CELSR2: variants seen among roughly 807,000 people sequenced by gnomAD.
The protein encoded by CELSR2 is EGF-like protein 2.
A neutral mutation model predicts 251.6 loss-of-function variants in CELSR2; 81 were observed. That is an observed-to-expected ratio of 0.32 (90% CI 0.27 to 0.39). The LOEUF is 0.39. Ranked by LOEUF, CELSR2 falls within the 10% of genes least tolerant of loss-of-function variation. The pLI is 1.00. For missense variants in CELSR2, 3,365 were observed against 3,947.7 expected (o/e 0.85, Z 3.96); for synonymous variants, 1,721 against 1,670.5 (o/e 1.03, Z -0.74).
chr1:109,263,717 C>T lies in CELSR2; in HGVS notation c.4941C>T (p.Arg1647=), dbSNP rs760909842. 10 of 1,613,932 alleles carry T rather than the reference C, an allele frequency of 6.2e-6. No individual in the cohort carries two copies. Among genetic ancestry groups the T allele is most frequent in the Admixed American group, 1.7e-5 (1 of 60,024 alleles). Residue 1647 remains arginine, a synonymous_variant, in exon 9 of 34, where the codon CGC becomes CGT. Coordinates refer to ENST00000271332, the MANE Select transcript of CELSR2 (RefSeq NM_001408.3). The part of the protein sequence containing the change: ...PWYLSLMFRT[R]QADGVLLQAI... ...ACCTCAGCCTCATGTTCCGCACGCG[C>T]CAGGCCGACGGTGTCCTGCTGCAGG...
At chr1:109,260,702 C>T (rs1045448027) in intron 2 of CELSR2, among the ~76,000 whole-genome samples, 4 of 152,114 alleles carry the variant, frequency 2.6e-5, no homozygotes, top group Non-Finnish European at 4.4e-5. Flanking sequence ...CGAAGGCTCC[C>T]GGGATCCGGG....
chr1:109,270,745 C>G, intron 24 of CELSR2, 145 bp downstream of exon 24: 1 of 1,161,468 alleles, frequency 8.6e-7, no homozygotes, highest in Non-Finnish European at 1.2e-6. Flanking sequence ...CTGGTTTAAC[C>G]CAGACTCTGC....
intron 17 of CELSR2, 43 bp from the exon 18 acceptor site, chr1:109,268,538 G>A (rs769898260): frequency 1.3e-6 from 2 of 1,561,554 alleles, no homozygotes; most frequent in Admixed American, 1.8e-5. Context: ...GGGATGTCAG[G>A]TGTGGGTTGT....
Position 109,272,659 on chromosome 1 carries a change from C to T in CELSR2, c.8074C>T (p.Pro2692Ser), listed in dbSNP as rs555998993. 11 of 1,613,654 alleles carry T rather than the reference C, an allele frequency of 6.8e-6. 1 individual carries two copies. The Admixed American group carries it at 1.8e-4, about 27-fold the overall frequency. ...TCCTAGGGAGGAGTCCGCACTGAAC[C>T]CTGGCCAAGGGCCCCCTGGCCTGGG... ...FLLREESALNPGQGPPGLGDP... is the reference protein window; with the variant it reads ...FLLREESALNSGQGPPGLGDP... The change falls in exon 30 of 34, where the codon CCT becomes TCT. Residue 2692 changes from proline (P) to serine (S), a missense_variant. By Grantham distance (74) the Pro-to-Ser change is moderately conservative (BLOSUM62 -1). Coordinates refer to ENST00000271332, the MANE Select transcript of CELSR2 (RefSeq NM_001408.3).
At chr1:109,264,809 T>C in intron 11 of CELSR2, 59 bp from the exon 12 acceptor site, 1 of 1,612,154 alleles carries the variant, frequency 6.2e-7, no homozygotes, top group Non-Finnish European at 8.5e-7. Flanking sequence ...AAGGGTTTGA[T>C]GGAAGATGGT....
chr1:109,266,145 C>G lies in CELSR2; in HGVS notation c.5952C>G (p.Ile1984Met). The change falls in exon 15 of 34, where the codon ATC (isoleucine) becomes ATG (methionine). Residue 1984 changes from isoleucine (I) to methionine (M), a missense_variant. This residue lies in a region of CELSR2 where 2,093 missense variants were observed against 2,382.8 expected (regional missense o/e 0.88). Transcript: ENST00000271332. ...GCCCACGAGCGATTGAGGCTGGGAT[C>G]TGGTGGCCCCGTACCCGCTTCGGGC... ...DSCPRAIEAG[I>M]WWPRTRFGLP... 1 of 1,614,168 alleles carries G rather than the reference C, an allele frequency of 6.2e-7. No individual in the cohort carries two copies.
chr1:109,253,492 C>A, intron 1 of CELSR2, 103 bp downstream of exon 1: 1 of 1,473,120 alleles, frequency 6.8e-7, no homozygotes, highest in Non-Finnish European at 9.0e-7. Flanking sequence ...TACAGATCCA[C>A]CTCCCTGCCC....
rs1236662410 is a variant in CELSR2 at position 109,251,574 on chromosome 1, A to G, written c.1495A>G (p.Asn499Asp). The G allele has an allele frequency of 5.6e-6, 9 of 1,613,808 alleles. No homozygotes were observed. The highest frequency in any genetic ancestry group is 7.6e-6 in the Non-Finnish European group (9 of 1,180,014). The change falls in exon 1 of 34, where the codon AAC becomes GAC. Residue 499 changes from asparagine (N) to aspartate (D), a missense_variant. Asn to Asp is a conservative substitution (Grantham distance 23). This residue lies in a region of CELSR2 where 704 missense variants were observed against 784.1 expected (regional missense o/e 0.90). Coordinates refer to ENST00000271332, the MANE Select transcript of CELSR2 (RefSeq NM_001408.3). The surrounding 1 kb of genome is among the most constrained non-coding windows in gnomAD (Gnocchi z 4.9). ...GGTGACAGTACAGGTCCTGGATATC[A>G]ACGACAATGCCCCCATCTTCGTCAG... The part of the protein sequence containing the change: ...GLVTVQVLDI[N>D]DNAPIFVSTP...
chr1:109,251,967 G>A lies in CELSR2; in HGVS notation c.1888G>A (p.Val630Met), dbSNP rs769943003. 3.7e-6 allele frequency: 6 copies of A among 1,614,004 alleles called. No individual in the cohort carries two copies. Among genetic ancestry groups the A allele is most frequent in the Admixed American group, 1.7e-5 (1 of 60,006 alleles). The change falls in exon 1 of 34, where the codon GTG (valine) becomes ATG (methionine). Residue 630 changes from valine (V) to methionine (M), a missense_variant. Val to Met is a conservative substitution (Grantham distance 21). This residue lies in a region of CELSR2 where 60 missense variants were observed against 104.8 expected (regional missense o/e 0.57). Transcript: ENST00000271332. The surrounding 1 kb of genome is among the most constrained non-coding windows in gnomAD (Gnocchi z 4.9). ...GGATGCAGCTGTGGGCACCAGCGTG[G>A]TGACGGTGTCAGCTGTGGACCGTGA... ...NEDAAVGTSV[V>M]TVSAVDRDAH...
rs772786960 is a variant in CELSR2, at chr1:109,258,892, C to T, written c.3771C>T (p.Ala1257=). ...LRFDSSAPFI[A]SSSVLFRPIH... is the part of the protein sequence containing the mutation. Reference sequence around the variant, plus strand: ...TCGACTCCTCCGCGCCCTTCATCGCCTCCTCCTCCGTGCTCTTCCGGCCCA... The same window carrying T: ...TCGACTCCTCCGCGCCCTTCATCGCTTCCTCCTCCGTGCTCTTCCGGCCCA... Residue 1257 remains alanine, a synonymous_variant, in exon 2 of 34, where the codon GCC becomes GCT. Coordinates refer to ENST00000271332, the MANE Select transcript of CELSR2 (RefSeq NM_001408.3). 3.1e-6 allele frequency: 5 copies of T among 1,612,614 alleles called. No homozygotes were observed. In the South Asian group the frequency reaches 3.3e-5, roughly 11 times the overall value.
Position 109,251,743 on chromosome 1 carries a change from T to G in CELSR2, c.1664T>G (p.Ile555Ser). The G allele has an allele frequency of 6.2e-7, 1 of 1,614,014 alleles. No homozygotes were observed. Among genetic ancestry groups the G allele is most frequent in the Non-Finnish European group, 8.5e-7 (1 of 1,180,004 alleles). Residue 555 changes from isoleucine (I) to serine (S), a missense_variant, in exon 1 of 34, where the codon ATC (isoleucine) becomes AGC (serine). Ile to Ser is a moderately radical substitution (Grantham distance 142). Transcript: ENST00000271332. This position sits in a 1 kb window ranked among gnomAD's most constrained non-coding sequence, Gnocchi z 4.9. ...AGVGHDFPFT[I>S]NNGTGWISVA... ...GTGGGACATGACTTCCCCTTCACCA[T>G]CAACAATGGCACAGGCTGGATCTCT...
intron 33 of CELSR2, 29 bp downstream of exon 33, chr1:109,273,699 G>GC: frequency 3.0e-6 from 4 of 1,331,298 alleles, no homozygotes; most frequent in South Asian, 1.5e-5. Flanking sequence ...GCGGGACGGG[G>GC]TGCAGCCCCT....
At position 109,264,402 on chromosome 1, in the gene CELSR2, A is replaced by G. The variant is rs757815239; in HGVS notation, c.5289+37A>G. On this transcript the variant is annotated intron_variant, in intron 10 of 33. Transcript: ENST00000271332. ...GCCCTGCCCTCCCATCCCCTCCCCCACCACCTGCAGCCCCGCTCCACTGAG... is the reference window on the plus strand; with the variant it reads ...GCCCTGCCCTCCCATCCCCTCCCCCGCCACCTGCAGCCCCGCTCCACTGAG... 1.1e-5 allele frequency: 11 copies of G among 965,648 alleles called. No individual in the cohort carries two copies. In the East Asian group the frequency reaches 5.2e-4, roughly 46 times the overall value. 59.8% of individuals were successfully genotyped at this position (965,648 alleles called of 1,614,324 possible).
At chr1:109,270,190 C>T (rs1205793781) in intron 23 of CELSR2, 57 bp downstream of exon 23, 9 of 1,553,504 alleles carry the variant, frequency 5.8e-6, no homozygotes, top group South Asian at 3.3e-5. Flanking sequence ...GCCTCCCCAG[C>T]CCCCACTGGC....
rs1655669864 is a variant in CELSR2 at position 109,250,989 on chromosome 1, G to T, written c.910G>T (p.Val304Phe). The T allele has an allele frequency of 6.2e-7, 1 of 1,613,636 alleles. No homozygotes were observed. The highest frequency in any genetic ancestry group is 8.5e-7 in the Non-Finnish European group (1 of 1,179,988). Reference protein sequence around the residue: ...YKESLRENLEVGYEVLTVRAT... With the variant: ...YKESLRENLEFGYEVLTVRAT... ...GGAGAGCCTCAGGGAGAACCTGGAG[G>T]TTGGCTATGAGGTGCTCACTGTCAG... The change falls in exon 1 of 34, where the codon GTT becomes TTT. Residue 304 changes from valine to phenylalanine, a missense_variant. Val to Phe is a conservative substitution (Grantham distance 50). Transcript: ENST00000271332. This position sits in a 1 kb window ranked among gnomAD's most constrained non-coding sequence, Gnocchi z 4.4.
chr1:109,252,728 C>T lies in CELSR2; in HGVS notation c.2649C>T (p.Asn883=), dbSNP rs759867572. The T allele has an allele frequency of 1.6e-5, 26 of 1,613,938 alleles. 1 individual carries two copies. The highest frequency in any genetic ancestry group is 1.6e-4 in the Middle Eastern group (1 of 6,084). ...VRTLRRLDRE[N]VAQYVLRAYA... Reference sequence around the variant, plus strand: ...CGCTACGGAGGCTGGATCGAGAGAACGTGGCCCAGTATGTCTTGCGGGCAT... The same window carrying T: ...CGCTACGGAGGCTGGATCGAGAGAATGTGGCCCAGTATGTCTTGCGGGCAT... Residue 883 remains asparagine, a synonymous_variant, in exon 1 of 34, where the codon AAC becomes AAT. Coordinates refer to ENST00000271332, the MANE Select transcript of CELSR2 (RefSeq NM_001408.3). This position sits in a 1 kb window ranked among gnomAD's most constrained non-coding sequence, Gnocchi z 4.8.
At position 109,252,756 on chromosome 1, in the gene CELSR2, G is replaced by A. The variant is rs1655732904; in HGVS notation, c.2677G>A (p.Ala893Thr). 6.2e-7 allele frequency: 1 copy of A among 1,613,928 alleles called. No homozygotes were observed. Among genetic ancestry groups the A allele is most frequent in the African/African-American group, 1.3e-5 (1 of 74,936 alleles). Residue 893 changes from alanine to threonine, a missense_variant, in exon 1 of 34, where the codon GCA becomes ACA. By Grantham distance (58) the Ala-to-Thr change is moderately conservative. This residue lies in a region of CELSR2 where 505 missense variants were observed against 660.0 expected (regional missense o/e 0.77). Transcript: ENST00000271332. The surrounding 1 kb of genome is among the most constrained non-coding windows in gnomAD (Gnocchi z 4.8). ...GGCCCAGTATGTCTTGCGGGCATAT[G>A]CAGTGGACAAGGGGATGCCCCCAGC... ...NVAQYVLRAYAVDKGMPPART... is the reference protein window; with the variant it reads ...NVAQYVLRAYTVDKGMPPART...
rs754548328 is a variant in CELSR2, at chr1:109,250,876, T to A, written c.797T>A (p.Met266Lys). Residue 266 changes from methionine (M) to lysine (K), a missense_variant, in exon 1 of 34, where the codon ATG becomes AAG. Met to Lys is a moderately conservative substitution (Grantham distance 95). Around this residue, in one of 5 missense-constraint regions of CELSR2, gnomAD observed 704 missense variants for 784.1 expected, o/e 0.90. Coordinates refer to ENST00000271332, the MANE Select transcript of CELSR2 (RefSeq NM_001408.3). The surrounding 1 kb of genome is among the most constrained non-coding windows in gnomAD (Gnocchi z 4.4). ...VFRVTAQDHG[M>K]PRRSALATLT... Reference sequence around the variant, plus strand: ...AGGGTCACGGCGCAGGACCACGGCATGCCCCGACGAAGTGCCCTGGCTACA... The same window carrying A: ...AGGGTCACGGCGCAGGACCACGGCAAGCCCCGACGAAGTGCCCTGGCTACA... 6.2e-7 allele frequency: 1 copy of A among 1,614,036 alleles called. No homozygotes were observed. The highest frequency in any genetic ancestry group is 1.7e-5 in the Admixed American group (1 of 60,036).
chr1:109,254,379 A>G (rs1013834717), intron 1 of CELSR2, among the ~76,000 whole-genome samples: 1 of 152,172 alleles, frequency 6.6e-6, no homozygotes, highest in African/African-American at 2.4e-5. Context: ...CACTCAGCCT[A>G]CAGACTCCCT....
Sources: gnomAD v4.1 joint callset for allele counts (sites outside exome capture counted in the v4.1 genomes callset) on GRCh38, gnomAD v4.1.1 for gene constraint, gnomAD v4.1.1 regional missense constraint, Gnocchi (gnomAD v3.1) non-coding constraint, MANE v1.5 for transcripts, NCBI Gene and HGNC (gene_info 2026-07-23, HGNC 2026-07-21) for gene names.